Variants in CCSER1 observed in about 807,000 individuals in gnomAD.
The protein encoded by CCSER1 is serine-rich coiled-coil domain-containing protein 1.
In CCSER1, 41 loss-of-function variants were observed where a neutral mutation model predicts 82.0. The ratio of observed to expected loss-of-function variants is 0.50; its 90% CI spans 0.39 to 0.65. CCSER1 has a LOEUF of 0.65. Among genes scored for constraint, CCSER1 ranks in the 30% least tolerant of loss-of-function variants. The probability of loss-of-function intolerance (pLI) is 0.00; values close to 1 mark genes in which losing one functional copy is unlikely to be tolerated. For synonymous variants in CCSER1, 414 were observed against 383.9 expected, an observed-to-expected ratio of 1.08 and a Z score of -0.92; for missense variants, 1,119 against 1,064.2, an observed-to-expected ratio of 1.05 and a Z score of -0.72.
At chr4:91,074,729 T>C (rs1188608829) in intron 9 of CCSER1, among the ~76,000 whole-genome samples, 2 of 152,230 alleles carry the variant, frequency 1.3e-5, no homozygotes, top group Non-Finnish European at 2.9e-5. Flanking sequence ...CTAAAGTTCC[T>C]TCTAGCTCTT....
chr4:90,531,975 G>A (rs1202643663), intron 5 of CCSER1, among the ~76,000 whole-genome samples: 1 of 151,918 alleles, frequency 6.6e-6, no homozygotes, highest in Non-Finnish European at 1.5e-5. Context: ...GTAACATAAA[G>A]CTAAATTCTT....
At chr4:90,263,973 C>T (rs1159660307) in intron 1 of CCSER1, among the ~76,000 whole-genome samples, 2 of 152,150 alleles carry the variant, frequency 1.3e-5, no homozygotes. Context: ...AGCACAGACC[C>T]CCCTAACTTT....
At chr4:90,372,607 G>A (rs985652131) in intron 3 of CCSER1, among the ~76,000 whole-genome samples, 6 of 151,948 alleles carry the variant, frequency 3.9e-5, no homozygotes, top group Non-Finnish European at 7.4e-5. Flanking sequence ...AAATTTAGCC[G>A]GGCCTGGTGG....
chr4:91,506,251 C>T (rs1341316413), intron 10 of CCSER1, among the ~76,000 whole-genome samples: 1 of 151,896 alleles, frequency 6.6e-6, no homozygotes, highest in African/African-American at 2.4e-5. Context: ...GTAGATGTGC[C>T]ATCTTATTCC....
chr4:91,244,845 A>C (rs1229411687), intron 10 of CCSER1, among the ~76,000 whole-genome samples: 1 of 152,204 alleles, frequency 6.6e-6, no homozygotes, highest in Non-Finnish European at 1.5e-5. Flanking sequence ...AAGACAGATA[A>C]TTCAAAATGG....
intron 4 of CCSER1, among the ~76,000 whole-genome samples, chr4:90,461,420 C>G (rs987052780): frequency 2.0e-5 from 3 of 152,076 alleles, no homozygotes; most frequent in Non-Finnish European, 2.9e-5. Context: ...GTTTAATGAT[C>G]GGTATCAATT....
intron 10 of CCSER1, among the ~76,000 whole-genome samples, chr4:91,244,337 A>T (rs796385559): frequency 6.6e-6 from 1 of 152,156 alleles, no homozygotes; most frequent in South Asian, 2.1e-4. Context: ...GCCTGGGGGA[A>T]CTTACTACCT....
chr4:91,057,320 A>G (rs1743537141), intron 9 of CCSER1, among the ~76,000 whole-genome samples: 1 of 152,134 alleles, frequency 6.6e-6, no homozygotes, highest in Non-Finnish European at 1.5e-5. Flanking sequence ...CCAGAGTTCC[A>G]AAATAGCTAC....
intron 5 of CCSER1, among the ~76,000 whole-genome samples, chr4:90,557,848 C>G (rs1362958882): frequency 6.6e-6 from 1 of 151,990 alleles, no homozygotes; most frequent in Non-Finnish European, 1.5e-5. Context: ...AGTACCATAG[C>G]CTTAATGTGT....
At chr4:90,841,713 T>C (rs1216783260) in intron 8 of CCSER1, among the ~76,000 whole-genome samples, 5 of 152,316 alleles carry the variant, frequency 3.3e-5, no homozygotes, top group Middle Eastern at 3.4e-3. Context: ...TTCTCTCTAT[T>C]CTGTAGACTT....
chr4:90,327,923 C>A (rs115061842), intron 3 of CCSER1, among the ~76,000 whole-genome samples: 2 of 152,088 alleles, frequency 1.3e-5, no homozygotes, highest in Admixed American at 6.6e-5. Flanking sequence ...GAGGACTCTG[C>A]GCACTTACTC....
intron 5 of CCSER1, among the ~76,000 whole-genome samples, chr4:90,489,180 A>G (rs906394103): frequency 6.6e-6 from 1 of 152,154 alleles, no homozygotes; most frequent in African/African-American, 2.4e-5. Context: ...CCCTTGATTA[A>G]TGTTTCAGTA....
intron 10 of CCSER1, among the ~76,000 whole-genome samples, chr4:91,543,130 CT>C (rs1028341355): frequency 7.2e-5 from 11 of 151,962 alleles, no homozygotes; most frequent in African/African-American, 2.2e-4. Context: ...CAACCCCTGC[CT>C]TTTTTTGTTT....
At chr4:90,223,768 A>C (rs1429460433) in intron 1 of CCSER1, among the ~76,000 whole-genome samples, 4 of 152,242 alleles carry the variant, frequency 2.6e-5, no homozygotes. Context: ...TCTGTATTGC[A>C]TTGAATATGA....
At chr4:91,227,847 G>C (rs1317956995) in intron 10 of CCSER1, among the ~76,000 whole-genome samples, 1 of 151,936 alleles carries the variant, frequency 6.6e-6, no homozygotes, top group African/African-American at 2.4e-5. Flanking sequence ...TTGAAATTTT[G>C]TCAGTTTTGA....
At chr4:91,184,730 G>A (rs924403631) in intron 10 of CCSER1, among the ~76,000 whole-genome samples, 4 of 152,112 alleles carry the variant, frequency 2.6e-5, no homozygotes, top group Admixed American at 2.0e-4. Flanking sequence ...CTAATCTTTG[G>A]CAGGAACTTT....
rs182642684 is a variant in CCSER1 at position 91,187,586 on chromosome 4, T to G, written c.2217+101592T>G. 4.8e-3 allele frequency among the ~76,000 whole-genome samples: 725 copies of G among 152,216 alleles called. 6 individuals carry two copies. Among genetic ancestry groups the G allele is most frequent in the African/African-American group, 0.016 (681 of 41,542 alleles). On this transcript the variant is annotated intron_variant, in intron 10 of 10. Coordinates refer to ENST00000509176, the MANE Select transcript of CCSER1 (RefSeq NM_001145065.2). ...TTATTTTTGAGACGGAGTTTTGCTC[T>G]TATCGCCCATGCTGGAGTGCAGTGA...
Position 90,359,069 on chromosome 4 carries a change from G to C in CCSER1, c.1510-40967G>C, listed in dbSNP as rs1260831674. Among the ~76,000 whole-genome samples, 2 of 152,152 alleles carry C rather than the reference G, an allele frequency of 1.3e-5. 1 individual carries two copies. Among genetic ancestry groups the C allele is most frequent in the East Asian group, 3.9e-4 (2 of 5,188 alleles). On this transcript the variant is annotated intron_variant, in intron 3 of 10. Transcript: ENST00000509176. Reference sequence around the variant, plus strand: ...AAATGAACATCATAAGGCACGATGTGTTACGAATTCAGAGAGAAGATATGA... The same window carrying C: ...AAATGAACATCATAAGGCACGATGTCTTACGAATTCAGAGAGAAGATATGA...
intron 1 of CCSER1, among the ~76,000 whole-genome samples, chr4:90,172,155 A>G (rs1731820250): frequency 6.6e-6 from 1 of 151,954 alleles, no homozygotes; most frequent in South Asian, 2.1e-4. Flanking sequence ...ATGCAGTAAC[A>G]CTGAACACTT....
Sources: gnomAD v4.1 joint callset for allele counts (sites outside exome capture counted in the v4.1 genomes callset) on GRCh38, gnomAD v4.1.1 for gene constraint, MANE v1.5 for transcripts, NCBI Gene and HGNC (gene_info 2026-07-23, HGNC 2026-07-21) for gene names.